Variants in L1TD1 observed in about 807,000 individuals in gnomAD.
The protein encoded by L1TD1 is LINE-1 type transposase domain-containing protein 1.
Under a neutral mutation model 25.7 loss-of-function variants are expected in L1TD1, and 26 were observed. The ratio of observed to expected loss-of-function variants is 1.01; its 90% CI spans 0.74 to 1.40. L1TD1 has a LOEUF of 1.40. L1TD1 is among the 40% of genes most tolerant of loss of function. The probability of loss-of-function intolerance (pLI) is 0.00; values close to 1 mark genes in which losing one functional copy is unlikely to be tolerated. For missense variants in L1TD1, 1,130 were observed against 975.0 expected (o/e 1.16, Z -2.12); for synonymous variants, 421 against 335.6 (o/e 1.25, Z -2.78).
At position 62,210,740 on chromosome 1, in the gene L1TD1, A is replaced by ATCC. The variant is rs1445505231; in HGVS notation, c.1967_1968insCCT (p.Met656delinsIleLeu). 6.4e-7 allele frequency: 1 copy of ATCC among 1,551,536 alleles called. No individual in the cohort carries two copies. The highest frequency in any genetic ancestry group is 8.7e-7 in the Non-Finnish European group (1 of 1,146,974). ...TTCAGTAGATGATCTGAGTAGCAGA[A>ATCC]TGGACATACTTGAAGAAAGAATAGA... On this transcript the variant is annotated protein_altering_variant, in exon 4 of 4. Coordinates refer to ENST00000498273, the MANE Select transcript of L1TD1 (RefSeq NM_019079.5).
rs1246819838 is a variant in L1TD1, at chr1:62,210,470, CATG to C, written c.1701_1703del (p.Asp567del). ...TCCCTCAAAGTCACTAGAGATGAGT[CATG>C]ATGAGCATAAAAAGCATTCACATAC... On this transcript the variant is annotated inframe_deletion, in exon 4 of 4. Transcript: ENST00000498273. 3.1e-6 allele frequency: 5 copies of C among 1,614,084 alleles called. No homozygotes were observed. Among genetic ancestry groups the C allele is most frequent in the East Asian group, 4.5e-5 (2 of 44,880 alleles).
chr1:62,208,083 T>TA (rs1345124922), intron 3 of L1TD1: 2 of 153,702 alleles, frequency 1.3e-5, no homozygotes, highest in African/African-American at 4.8e-5. Flanking sequence ...AAAGGGCACT[T>TA]TTTTTTTCTG....
intron 2 of L1TD1, among the ~76,000 whole-genome samples, chr1:62,198,229 A>G (rs1207440016): frequency 2.0e-5 from 3 of 152,020 alleles, no homozygotes; most frequent in Non-Finnish European, 2.9e-5. Flanking sequence ...GCTCCTCAGG[A>G]GACTGAGGTG....
chr1:62,206,623 T>C lies in L1TD1; in HGVS notation c.-6T>C, dbSNP rs1570928068. ...AACAGAATCCAGTCTTGACAACATA[T>C]CCACAATGTCTGATGTATCTACTAG... On this transcript the variant is annotated 5_prime_UTR_variant, in exon 3 of 4. Transcript: ENST00000498273. 6.7e-7 allele frequency: 1 copy of C among 1,492,282 alleles called. No individual in the cohort carries two copies. Among genetic ancestry groups the C allele is most frequent in the South Asian group, 1.4e-5 (1 of 72,598 alleles). 92.4% of individuals were successfully genotyped at this position (1,492,282 alleles called of 1,614,324 possible).
At chr1:62,208,420 AGCCTTGG>A (rs1211390343) in intron 3 of L1TD1, 3 of 151,416 alleles carry the variant, frequency 2.0e-5, no homozygotes, top group Non-Finnish European at 2.9e-5. Flanking sequence ...TGAGACCCAA[AGCCTTGG>A]GGTCACACAG....
chr1:62,208,479 G>A (rs889706591), intron 3 of L1TD1: 1 of 96,322 alleles, frequency 1.0e-5, no homozygotes, highest in Non-Finnish European at 2.1e-5. Flanking sequence ...TGCTGGAAGG[G>A]GCTTTTTTTT....
chr1:62,205,435 A>ATTTT (rs1220640977), intron 2 of L1TD1, among the ~76,000 whole-genome samples: 1 of 36,050 alleles, frequency 2.8e-5, no homozygotes, highest in African/African-American at 1.0e-4. Flanking sequence ...ATATATATAT[A>ATTTT]TATATATATT....
chr1:62,207,008 G>A lies in L1TD1; in HGVS notation c.380G>A (p.Gly127Asp). The A allele has an allele frequency of 2.5e-6, 4 of 1,613,232 alleles. No individual in the cohort carries two copies. The highest frequency in any genetic ancestry group is 1.1e-5 in the South Asian group (1 of 90,888). ...GKIEGENSKI[G>D]DDNENLTFKL... ...ATAGAAGGAGAAAACTCTAAAATAGGTGATGATAATGAAAATTTAACCTTT... is the reference window on the plus strand; with the variant it reads ...ATAGAAGGAGAAAACTCTAAAATAGATGATGATAATGAAAATTTAACCTTT... Residue 127 changes from glycine (G) to aspartate (D), a missense_variant, in exon 3 of 4, where the codon GGT becomes GAT. By Grantham distance (94) the Gly-to-Asp change is moderately conservative. Transcript: ENST00000498273.
chr1:62,195,613 G>A (rs1345358805), intron 1 of L1TD1, among the ~76,000 whole-genome samples: 1 of 152,128 alleles, frequency 6.6e-6, no homozygotes, highest in Non-Finnish European at 1.5e-5. Flanking sequence ...TTAGCCAGGC[G>A]TGGTGGCGCA....
rs779235664 is a variant in L1TD1, at chr1:62,210,560, ACT to A, written c.1789_1790del (p.Leu597AlafsTer23). On this transcript the variant is annotated frameshift_variant, in exon 4 of 4. Coordinates refer to ENST00000498273, the MANE Select transcript of L1TD1 (RefSeq NM_019079.5). LOFTEE classifies it low-confidence loss of function (END_TRUNC). Reference sequence around the variant, plus strand: ...GAAAACAGAAGAAAAGAAACACAGAACTCTGCACACAGAAGAACTAACATCCA... The same window carrying A: ...GAAAACAGAAGAAAAGAAACACAGAACTGCACACAGAAGAACTAACATCCA... ...LKKTEEKKHRTLHTEELTSKE... is the reference protein window; with the variant it reads ...LKKTEEKKHRXLHTEELTSKE... 1 of 1,613,252 alleles carries A rather than the reference ACT, an allele frequency of 6.2e-7. No homozygotes were observed. Among genetic ancestry groups the A allele is most frequent in the South Asian group, 1.1e-5 (1 of 90,830 alleles).
chr1:62,198,527 C>T (rs1462399496), intron 2 of L1TD1, among the ~76,000 whole-genome samples: 1 of 151,596 alleles, frequency 6.6e-6, no homozygotes, highest in Non-Finnish European at 1.5e-5. Context: ...CCCCCCGCCG[C>T]CGCCCCACCC....
chr1:62,206,208 C>T (rs1670741594), intron 2 of L1TD1, among the ~76,000 whole-genome samples: 1 of 152,114 alleles, frequency 6.6e-6, no homozygotes. Context: ...AGAATAACAT[C>T]TATTATAATT....
At position 62,210,370 on chromosome 1, in the gene L1TD1, C is replaced by G. The variant is rs568481663; in HGVS notation, c.1596C>G (p.Thr532=). ...TGAAACACCAGGTGGTGCACAAAAC[C>G]CAGGAGGAAGAGGAAACAGCTGTGC... ...KLVKHQVVHK[T]QEEEETAVPT... Residue 532 remains threonine (T), a synonymous_variant, in exon 4 of 4, where the codon ACC becomes ACG. Coordinates refer to ENST00000498273, the MANE Select transcript of L1TD1 (RefSeq NM_019079.5). 3.0e-5 allele frequency: 48 copies of G among 1,613,738 alleles called. No individual in the cohort carries two copies. In the South Asian group the frequency reaches 5.2e-4, roughly 17 times the overall value.
intron 3 of L1TD1, among the ~76,000 whole-genome samples, chr1:62,209,068 A>G (rs554138598): frequency 6.6e-4 from 100 of 152,322 alleles, no homozygotes; most frequent in African/African-American, 2.4e-3. Context: ...TTTATATTGC[A>G]GACATCATCA....
chr1:62,207,310 A>G lies in L1TD1; in HGVS notation c.682A>G (p.Lys228Glu), dbSNP rs780483553. The change falls in exon 3 of 4, where the codon AAA (lysine) becomes GAA (glutamate). Residue 228 changes from lysine to glutamate, a missense_variant. Physicochemically the swap from Lys to Glu is moderately conservative, Grantham distance 56 (BLOSUM62 1). Transcript: ENST00000498273. ...ATTGAAGAATAAAGAGGAGGTTTTA[A>G]AAGCCTCCAGAGAAGAAAAAGTGTT... is the stretch of plus-strand genomic sequence containing the variant. Reference protein sequence around the residue: ...QKLKNKEEVLKASREEKVLMD... With the variant: ...QKLKNKEEVLEASREEKVLMD... 4 of 1,550,848 alleles carry G rather than the reference A, an allele frequency of 2.6e-6. No homozygotes were observed. Among genetic ancestry groups the G allele is most frequent in the Non-Finnish European group, 3.5e-6 (4 of 1,146,792 alleles).
rs1299135068 is a variant in L1TD1, at chr1:62,206,823, G to A, written c.195G>A (p.Met65Ile). 6.2e-7 allele frequency: 1 copy of A among 1,606,286 alleles called. No homozygotes were observed. Among genetic ancestry groups the A allele is most frequent in the Non-Finnish European group, 8.5e-7 (1 of 1,175,684 alleles). The change falls in exon 3 of 4, where the codon ATG (methionine) becomes ATA (isoleucine). Residue 65 changes from methionine to isoleucine, a missense_variant. Physicochemically the swap from Met to Ile is conservative, Grantham distance 10 (BLOSUM62 1). Transcript: ENST00000498273. ...TCTTAATGGAAATTCAAGACCTGAT[G>A]TTTGAGGAGATGAGGGAAACTCTTA... ...FKVLMEIQDL[M>I]FEEMRETLKN...
chr1:62,207,742 C>A (rs903723753), intron 3 of L1TD1, 106 bp downstream of exon 3: 3 of 1,333,576 alleles, frequency 2.2e-6, no homozygotes, highest in Middle Eastern at 2.8e-4. Context: ...GATGGAGTTT[C>A]GCTCTTGTCG....
In L1TD1 at chr1:62,206,966, C is replaced by T; in HGVS notation, c.338C>T (p.Thr113Ile). 4 of 1,613,354 alleles carry T rather than the reference C, an allele frequency of 2.5e-6. No homozygotes were observed. Among genetic ancestry groups the T allele is most frequent in the South Asian group, 2.2e-5 (2 of 90,948 alleles). The stretch of plus-strand genomic sequence containing the variant: ...ATAATCAATTTAGCATTACAAAAAA[C>T]AGGGATGGTAGGGAAAATAGAAGGA... The part of the protein sequence containing the change: ...QQIINLALQK[T>I]GMVGKIEGEN... Residue 113 changes from threonine to isoleucine, a missense_variant, in exon 3 of 4, where the codon ACA becomes ATA. Physicochemically the swap from Thr to Ile is moderately conservative, Grantham distance 89 (BLOSUM62 -1). Coordinates refer to ENST00000498273, the MANE Select transcript of L1TD1 (RefSeq NM_019079.5).
At chr1:62,202,664 G>A (rs1346731426) in intron 2 of L1TD1, among the ~76,000 whole-genome samples, 1 of 123,920 alleles carries the variant, frequency 8.1e-6, no homozygotes, top group Non-Finnish European at 1.6e-5. Flanking sequence ...CACATCCAGG[G>A]TTTAATTTTT....
Sources: allele counts gnomAD v4.1 joint callset (sites outside exome capture counted in the v4.1 genomes callset), GRCh38; gene constraint gnomAD v4.1.1; transcripts MANE v1.5; gene names NCBI Gene and HGNC (gene_info 2026-07-23, HGNC 2026-07-21).